IRAK3: variants seen among roughly 807,000 people sequenced by gnomAD.
The protein encoded by IRAK3 is interleukin-1 receptor-associated kinase 3.
Under a neutral mutation model 56.6 loss-of-function variants are expected in IRAK3, and 57 were observed. The ratio of observed to expected loss-of-function variants is 1.01; its 90% confidence interval spans 0.81 to 1.26. IRAK3 has a LOEUF of 1.26. IRAK3 is among the 50% of genes most tolerant of loss of function. The pLI is 0.00. For missense variants in IRAK3, 703 were observed against 719.0 expected, an observed-to-expected ratio of 0.98 and a Z score of 0.25; for synonymous variants, 258 against 255.7, an observed-to-expected ratio of 1.01 and a Z score of -0.09.
At chr12:66,223,262 G>GA (rs1245354820) in intron 6 of IRAK3, among the ~76,000 whole-genome samples, 1 of 152,138 alleles carries the variant, frequency 6.6e-6, no homozygotes, top group African/African-American at 2.4e-5. Context: ...GGTCACAGGG[G>GA]ATGCAATAGC....
intron 8 of IRAK3, among the ~76,000 whole-genome samples, chr12:66,240,846 T>C (rs2052961594): frequency 6.7e-6 from 1 of 148,912 alleles, no homozygotes; most frequent in Non-Finnish European, 1.5e-5. Context: ...AATATATCGG[T>C]ATATATATTA....
rs2052373397 is a variant in IRAK3, at chr12:66,189,249, C to A, written c.-51C>A. ...CGGTTGTGTAACGGCCTGTCGCAGG[C>A]GTGCAGGGACCTGGACTCCGCCTCG... On this transcript the variant is annotated 5_prime_UTR_variant, in exon 1 of 12. Coordinates refer to ENST00000261233, the MANE Select transcript of IRAK3 (RefSeq NM_007199.3). 3 of 1,530,470 alleles carry A rather than the reference C, an allele frequency of 2.0e-6. No homozygotes were observed. Among genetic ancestry groups the A allele is most frequent in the Non-Finnish European group, 2.6e-6 (3 of 1,143,564 alleles). 94.8% of individuals were successfully genotyped at this position (1,530,470 alleles called of 1,614,324 possible). A position where few individuals can be genotyped will look rare whatever the true frequency, so the allele number is the denominator to read the frequency against.
intron 1 of IRAK3, chr12:66,197,813 A>G: frequency 1.0e-6 from 1 of 985,406 alleles, no homozygotes; most frequent in Non-Finnish European, 1.2e-6. Flanking sequence ...AAATGTGCTT[A>G]AGGGAAAGCA....
chr12:66,208,214 G>A (rs1326064648), intron 2 of IRAK3, among the ~76,000 whole-genome samples: 4 of 151,974 alleles, frequency 2.6e-5, no homozygotes, highest in African/African-American at 9.7e-5. Context: ...GCAAAATATG[G>A]CAGGGTTTTA....
chr12:66,213,982 T>G (rs2052639492), intron 5 of IRAK3, among the ~76,000 whole-genome samples: 1 of 152,080 alleles, frequency 6.6e-6, no homozygotes, highest in Non-Finnish European at 1.5e-5. Context: ...GTGGAACAAA[T>G]AGCAGTTGCA....
At chr12:66,221,577 T>C (rs2052733986) in intron 6 of IRAK3, among the ~76,000 whole-genome samples, 1 of 152,224 alleles carries the variant, frequency 6.6e-6, no homozygotes, top group Non-Finnish European at 1.5e-5. Flanking sequence ...TGAAAGGATG[T>C]TGAATTTTAT....
At chr12:66,230,688 A>T (rs2052835732) in intron 8 of IRAK3, among the ~76,000 whole-genome samples, 1 of 151,738 alleles carries the variant, frequency 6.6e-6, no homozygotes, top group Non-Finnish European at 1.5e-5. Context: ...CAGGGTGGGG[A>T]AGGAAGGGGT....
At chr12:66,222,051 C>CAAAA (rs2052739456) in intron 6 of IRAK3, among the ~76,000 whole-genome samples, 1 of 152,022 alleles carries the variant, frequency 6.6e-6, no homozygotes, top group Non-Finnish European at 1.5e-5. Context: ...AACAAACAAA[C>CAAAA]AAAAAATGTT....
intron 8 of IRAK3, chr12:66,234,569 C>T: frequency 6.2e-7 from 1 of 1,611,820 alleles, no homozygotes; most frequent in Non-Finnish European, 8.5e-7. Flanking sequence ...ATGCCATGGT[C>T]TTCCATTAGG....
chr12:66,244,716 G>A, intron 9 of IRAK3, 32 bp downstream of exon 9: 1 of 1,553,868 alleles, frequency 6.4e-7, no homozygotes, highest in Non-Finnish European at 8.9e-7. Flanking sequence ...ACAAAGGAGA[G>A]TTTATTGCCA....
intron 8 of IRAK3, among the ~76,000 whole-genome samples, chr12:66,230,707 G>A (rs1267536071): frequency 4.7e-4 from 72 of 152,166 alleles, no homozygotes; most frequent in South Asian, 4.2e-4. Flanking sequence ...GTCGGGGGGC[G>A]GTGTGGAGTC....
At position 66,231,767 on chromosome 12, in the gene IRAK3, AG is replaced by A. The variant is rs1407196236; in HGVS notation, c.887+3399del. ...TCAGTTGGTTGGAAAAGAAAGGACA[AG>A]GTTGGAGAATAAGATAAGGTGAGAC... On this transcript the variant is annotated intron_variant, in intron 8 of 11. Coordinates refer to ENST00000261233, the MANE Select transcript of IRAK3 (RefSeq NM_007199.3). Among the ~76,000 whole-genome samples the A allele has an allele frequency of 2.6e-5, 4 of 152,330 alleles. No homozygotes were observed. The East Asian group carries it at 7.7e-4, about 29-fold the overall frequency.
At position 66,248,451 on chromosome 12, in the gene IRAK3, G is replaced by A. The variant is rs548313832; in HGVS notation, c.*280G>A. ...CTTAAGATCATGGGTTCTGACTTCAGCCAAACAAAACAATCAAAACCTACC... is the reference window on the plus strand; with the variant it reads ...CTTAAGATCATGGGTTCTGACTTCAACCAAACAAAACAATCAAAACCTACC... On this transcript the variant is annotated 3_prime_UTR_variant, in exon 12 of 12. Coordinates refer to ENST00000261233, the MANE Select transcript of IRAK3 (RefSeq NM_007199.3). The A allele has an allele frequency of 9.8e-6, 3 of 306,388 alleles. No homozygotes were observed. The highest frequency in any genetic ancestry group is 4.4e-5 in the Admixed American group (1 of 22,582). The allele number at this position is 306,388 out of a possible 1,614,324, so 19.0% of individuals were successfully genotyped here.
At chr12:66,220,930 A>G (rs944260738) in intron 6 of IRAK3, among the ~76,000 whole-genome samples, 13 of 152,184 alleles carry the variant, frequency 8.5e-5, no homozygotes, top group Non-Finnish European at 1.9e-4. Flanking sequence ...TTTGATAGAA[A>G]TGTGTTGAAT....
chr12:66,199,637 G>A (rs2052487914), intron 1 of IRAK3, among the ~76,000 whole-genome samples: 1 of 152,150 alleles, frequency 6.6e-6, no homozygotes, highest in South Asian at 2.1e-4. Context: ...TTAGAGGCCT[G>A]TCTTCATGCT....
chr12:66,228,921 G>A (rs537803841), intron 8 of IRAK3, among the ~76,000 whole-genome samples: 1 of 152,248 alleles, frequency 6.6e-6, no homozygotes, highest in South Asian at 2.1e-4. Flanking sequence ...TAGGTTAGGT[G>A]TATTAAATGC....
chr12:66,189,343 C>G lies in IRAK3; in HGVS notation c.44C>G (p.Thr15Arg), dbSNP rs746775854. The part of the protein sequence containing the change: ...CGARGALSAH[T>R]LLFDLPPALL... ...GCCCGCGGCGCGCTGTCGGCGCACA[C>G]GCTGCTGTTCGACCTGCCGCCCGCG... is the stretch of plus-strand genomic sequence containing the variant. The change falls in exon 1 of 12, where the codon ACG becomes AGG. Residue 15 changes from threonine (T) to arginine (R), a missense_variant. By Grantham distance (71) the Thr-to-Arg change is moderately conservative. Transcript: ENST00000261233. The G allele has an allele frequency of 7.8e-6, 12 of 1,532,220 alleles. No individual in the cohort carries two copies. Among genetic ancestry groups the G allele is most frequent in the African/African-American group, 2.7e-5 (2 of 72,902 alleles). 94.9% of individuals were successfully genotyped at this position (1,532,220 alleles called of 1,614,324 possible).
intron 5 of IRAK3, among the ~76,000 whole-genome samples, chr12:66,212,175 A>G (rs1189297726): frequency 6.6e-6 from 1 of 151,554 alleles, no homozygotes; most frequent in Middle Eastern, 3.2e-3. Flanking sequence ...AGGTAGTGCT[A>G]GCCTGCCCTG....
intron 8 of IRAK3, among the ~76,000 whole-genome samples, chr12:66,232,551 ACAGT>A (rs778272049): frequency 6.6e-6 from 1 of 152,172 alleles, no homozygotes; most frequent in African/African-American, 2.4e-5. Flanking sequence ...GATGGTAATG[ACAGT>A]CAGTCCCCAG....
Sources: gnomAD v4.1 joint callset for allele counts (sites outside exome capture counted in the v4.1 genomes callset) on GRCh38, gnomAD v4.1.1 for gene constraint, MANE v1.5 for transcripts, NCBI Gene and HGNC (gene_info 2026-07-23, HGNC 2026-07-21) for gene names.